ARHGAP32: variants seen among roughly 807,000 people sequenced by gnomAD.
The protein encoded by ARHGAP32 is rho GTPase-activating protein 32.
Under a neutral mutation model 186.5 loss-of-function variants are expected in ARHGAP32, and 51 were observed. The ratio of observed to expected loss-of-function variants is 0.27; its 90% CI spans 0.22 to 0.35. ARHGAP32 has a LOEUF of 0.35. ARHGAP32 is among the 10% of genes least tolerant of loss of function. The probability of loss-of-function intolerance (pLI) is 1.00; values close to 1 mark genes in which losing one functional copy is unlikely to be tolerated. For missense variants in ARHGAP32, 2,186 were observed against 2,623.5 expected, an observed-to-expected ratio of 0.83 and a Z score of 3.64; for synonymous variants, 950 against 964.3, an observed-to-expected ratio of 0.99 and a Z score of 0.27.
At chr11:129,075,870 T>C (rs1349803750) in intron 6 of ARHGAP32, among the ~76,000 whole-genome samples, 2 of 152,136 alleles carry the variant, frequency 1.3e-5, no homozygotes, top group East Asian at 1.9e-4. Context: ...CTGAGTGAAA[T>C]GAGGCTGAGA....
chr11:129,027,545 A>G (rs1453752338), intron 11 of ARHGAP32, among the ~76,000 whole-genome samples: 1 of 151,734 alleles, frequency 6.6e-6, no homozygotes. Context: ...CACACATTCA[A>G]CTCGGTATCA....
chr11:129,227,008 T>C (rs753290826), intron 1 of ARHGAP32, among the ~76,000 whole-genome samples: 75 of 152,104 alleles, frequency 4.9e-4, no homozygotes, highest in Non-Finnish European at 9.6e-4. Context: ...TTTATTTTTC[T>C]TTTCTTCTTC....
intron 2 of ARHGAP32, among the ~76,000 whole-genome samples, chr11:129,138,650 T>C (rs985030499): frequency 3.9e-5 from 6 of 152,186 alleles, no homozygotes; most frequent in Admixed American, 3.9e-4. Context: ...TGTGTTCTGA[T>C]ACAGAACCAC....
intron 10 of ARHGAP32, among the ~76,000 whole-genome samples, chr11:129,054,601 G>A (rs1023500273): frequency 2.0e-5 from 3 of 151,904 alleles, no homozygotes; most frequent in African/African-American, 7.3e-5. Context: ...CTAGAAAAAA[G>A]GGTTTTCTGA....
intron 21 of ARHGAP32, chr11:128,973,886 C>T (rs184905656): frequency 4.6e-5 from 25 of 546,262 alleles, no homozygotes; most frequent in Middle Eastern, 4.7e-4. Context: ...GAATTCTCAC[C>T]GTCCAAAGAG....
intron 7 of ARHGAP32, 135 bp from the exon 8 acceptor site, chr11:129,065,068 A>T: frequency 1.5e-6 from 1 of 649,196 alleles, no homozygotes; most frequent in South Asian, 2.2e-5. Context: ...TCTTCACAGA[A>T]ACTTACCAGT....
At chr11:129,081,527 C>T (rs11512492) in intron 6 of ARHGAP32, among the ~76,000 whole-genome samples, 24,013 of 151,758 alleles carry the variant, frequency 0.16, 2,384 homozygotes, top group African/African-American at 0.28. Flanking sequence ...TCTCAATAGA[C>T]ACAGCAAAAA....
intron 1 of ARHGAP32, among the ~76,000 whole-genome samples, chr11:129,269,082 G>A (rs980342885): frequency 1.3e-5 from 2 of 151,868 alleles, no homozygotes; most frequent in Non-Finnish European, 2.9e-5. Context: ...ACCAGCCTGG[G>A]CAACACGGTG....
chr11:129,252,029 T>A (rs1488808658), intron 1 of ARHGAP32, among the ~76,000 whole-genome samples: 1 of 151,740 alleles, frequency 6.6e-6, no homozygotes, highest in East Asian at 1.9e-4. Context: ...TAAATAATAA[T>A]ATCAACTATT....
At chr11:129,033,407 ACC>A (rs1295172784) in intron 11 of ARHGAP32, among the ~76,000 whole-genome samples, 1 of 152,286 alleles carries the variant, frequency 6.6e-6, no homozygotes, top group East Asian at 1.9e-4. Context: ...ATTCTTGCCA[ACC>A]TTAGATATCA....
chr11:129,003,210 A>C (rs1265893753), intron 11 of ARHGAP32, among the ~76,000 whole-genome samples: 1 of 152,194 alleles, frequency 6.6e-6, no homozygotes, highest in Non-Finnish European at 1.5e-5. Flanking sequence ...ATGTATGTTG[A>C]ACTATCCTTG....
chr11:129,189,392 G>A (rs1332973950), intron 1 of ARHGAP32, among the ~76,000 whole-genome samples: 1 of 152,112 alleles, frequency 6.6e-6, no homozygotes, highest in East Asian at 1.9e-4. Context: ...GCAGTTAACT[G>A]ATACACTGTA....
chr11:129,066,667 G>A, intron 7 of ARHGAP32, 64 bp downstream of exon 7: 3 of 1,502,762 alleles, frequency 2.0e-6, no homozygotes, highest in Non-Finnish European at 2.7e-6. Flanking sequence ...TTAGTATACA[G>A]ACAAAAACTT....
chr11:129,045,449 T>C (rs759167153), intron 10 of ARHGAP32, among the ~76,000 whole-genome samples: 8 of 152,200 alleles, frequency 5.3e-5, no homozygotes, highest in African/African-American at 7.2e-5. Context: ...GTCAGTTCTA[T>C]GAATTTGTGA....
chr11:128,996,817 C>T (rs576750468), intron 12 of ARHGAP32, among the ~76,000 whole-genome samples: 144 of 151,974 alleles, frequency 9.5e-4, no homozygotes, highest in African/African-American at 3.4e-3. Flanking sequence ...GGTCTTGCTC[C>T]GTCGCCCAGG....
At chr11:129,088,994 T>TGAAAAAAAAAAAAAAAA in intron 6 of ARHGAP32, among the ~76,000 whole-genome samples, 1 of 65,572 alleles carries the variant, frequency 1.5e-5, no homozygotes. Flanking sequence ...AGAGACCTTG[T>TGAAAAAAAAAAAAAAAA]CAAAAAAAAA....
intron 1 of ARHGAP32, among the ~76,000 whole-genome samples, chr11:129,278,802 C>G (rs888451680): frequency 6.6e-6 from 1 of 151,372 alleles, no homozygotes; most frequent in African/African-American, 2.4e-5. Flanking sequence ...GGAGCCCCCA[C>G]TCGGCCGCTC....
chr11:129,023,892 T>A, intron 11 of ARHGAP32: 1 of 985,334 alleles, frequency 1.0e-6, no homozygotes, highest in Non-Finnish European at 1.2e-6. Context: ...AGATCAATAC[T>A]TAAAATTATT....
intron 5 of ARHGAP32, among the ~76,000 whole-genome samples, chr11:129,098,726 T>C (rs1941807531): frequency 1.3e-5 from 2 of 152,154 alleles, no homozygotes; most frequent in Non-Finnish European, 2.9e-5. Flanking sequence ...TCCACATTCT[T>C]TCCTACATCA....
Sources: gnomAD v4.1 joint callset for allele counts (sites outside exome capture counted in the v4.1 genomes callset) on GRCh38, gnomAD v4.1.1 for gene constraint, MANE v1.5 for transcripts, NCBI Gene and HGNC (gene_info 2026-07-23, HGNC 2026-07-21) for gene names.